APOBEC1: variants seen among roughly 807,000 people sequenced by gnomAD.
APOBEC1 encodes the protein C->U-editing enzyme APOBEC-1.
APOBEC1 carries 22 observed loss-of-function variants against 26.3 expected under a neutral mutation model. The observed-to-expected ratio is 0.84, with a 90% CI of 0.60 to 1.19. The LOEUF (loss-of-function observed/expected upper bound fraction) is 1.19. Among genes scored for constraint, APOBEC1 ranks in the 50% most tolerant of loss-of-function variants. The pLI, the probability that APOBEC1 is intolerant of heterozygous loss-of-function variation, is 0.00. For missense variants in APOBEC1, 253 were observed against 289.0 expected, an observed-to-expected ratio of 0.88 and a Z score of 0.90; for synonymous variants, 77 against 95.3, an observed-to-expected ratio of 0.81 and a Z score of 1.12.
rs1192388929 is a variant in APOBEC1 at position 7,658,743 on chromosome 12, A to G, written c.17-4111T>C. ...TGAGGCAGGTGGATCACCTTAGGTCAGGAGTTTGAGACCAGCCTGACCAAC... is the reference window on the plus strand; with the variant it reads ...TGAGGCAGGTGGATCACCTTAGGTCGGGAGTTTGAGACCAGCCTGACCAAC... On this transcript the variant is annotated intron_variant, in intron 1 of 4. Transcript: ENST00000229304. Among the ~76,000 whole-genome samples the G allele has an allele frequency of 4.6e-5, 7 of 151,924 alleles. No homozygotes were observed. The East Asian group carries it at 1.4e-3, about 30-fold the overall frequency.
Position 7,665,857 on chromosome 12 carries a change from C to G in APOBEC1, c.16G>C (p.Gly6Arg), listed in dbSNP as rs762982250. 1.2e-4 allele frequency: 199 copies of G among 1,611,054 alleles called. No individual in the cohort carries two copies. The highest frequency in any genetic ancestry group is 1.6e-4 in the Non-Finnish European group (185 of 1,178,904). Residue 6 changes from glycine (G) to arginine (R), a missense_variant and splice_region_variant, in exon 1 of 5, where the codon GGT (glycine) becomes CGT (arginine). Coordinates refer to ENST00000229304, the MANE Select transcript of APOBEC1 (RefSeq NM_001644.5). ...TGCCAAGCCCCCGGATCCATTTTAC[C>G]TTTCTCAGAAGTCATGGTGCTCTGT... MTSEKGPSTGDPTLRR... is the reference protein window; with the variant it reads MTSEKRPSTGDPTLRR...
intron 4 of APOBEC1, among the ~76,000 whole-genome samples, chr12:7,650,765 G>A (rs917950459): frequency 4.6e-5 from 7 of 152,120 alleles, no homozygotes; most frequent in Non-Finnish European, 7.3e-5. Flanking sequence ...GTTATACCAC[G>A]CAGGCTGGAG....
At chr12:7,667,813 T>C (rs1007713555), upstream of APOBEC1, among the ~76,000 whole-genome samples, 1 of 150,440 alleles carries the variant, frequency 6.6e-6, no homozygotes, top group African/African-American at 2.5e-5. Context: ...CTCGGAAGGC[T>C]GAGGCATGAG....
At chr12:7,651,999 T>C (rs2136838539) in intron 3 of APOBEC1, among the ~76,000 whole-genome samples, 2 of 151,962 alleles carry the variant, frequency 1.3e-5, no homozygotes, top group Non-Finnish European at 2.9e-5. Flanking sequence ...TTTTTTGTAT[T>C]TTTTAGTAGA....
At chr12:7,663,449 G>T (rs770269546) in intron 1 of APOBEC1, among the ~76,000 whole-genome samples, 1 of 152,262 alleles carries the variant, frequency 6.6e-6, no homozygotes, top group South Asian at 2.1e-4. Flanking sequence ...AGGAATGGGG[G>T]ATTTGAGCAT....
At chr12:7,654,530 C>T in intron 2 of APOBEC1, 75 bp downstream of exon 2, 1 of 1,445,300 alleles carries the variant, frequency 6.9e-7, no homozygotes, top group Admixed American at 1.7e-5. Flanking sequence ...GGCGCATGTG[C>T]CACCATGCAC....
Position 7,656,539 on chromosome 12 carries a change from C to T in APOBEC1, c.17-1907G>A, listed in dbSNP as rs186132605. ...CTTAAAATGGTCCATGAATCTCAGT[C>T]TAGTCTAAAGAAGCAACACAGTGTT... On this transcript the variant is annotated intron_variant, in intron 1 of 4. Transcript: ENST00000229304. 3.7e-3 allele frequency among the ~76,000 whole-genome samples: 562 copies of T among 152,294 alleles called. 3 individuals carry two copies. Among genetic ancestry groups the T allele is most frequent in the South Asian group, 0.012 (60 of 4,830 alleles).
chr12:7,653,891 G>A (rs1342059989), intron 2 of APOBEC1, among the ~76,000 whole-genome samples: 1 of 152,150 alleles, frequency 6.6e-6, no homozygotes, highest in African/African-American at 2.4e-5. Context: ...TCTGAAAGCT[G>A]TAACTCAAGG....
chr12:7,664,524 A>G (rs767421741), intron 1 of APOBEC1, among the ~76,000 whole-genome samples: 20 of 152,318 alleles, frequency 1.3e-4, no homozygotes, highest in African/African-American at 4.6e-4. Flanking sequence ...CAGTTTATTC[A>G]TTATATTCCA....
intron 1 of APOBEC1, among the ~76,000 whole-genome samples, chr12:7,660,519 C>G (rs760557593): frequency 6.6e-6 from 1 of 151,340 alleles, no homozygotes; most frequent in African/African-American, 2.4e-5. Flanking sequence ...ACCAGCCTAA[C>G]ATGGTGAAAC....
chr12:7,666,942 G>A (rs759188607), upstream of APOBEC1, among the ~76,000 whole-genome samples: 30 of 146,368 alleles, frequency 2.0e-4, no homozygotes, highest in Non-Finnish European at 4.0e-4. Flanking sequence ...ACAGAGTTTC[G>A]CTCTTGTCAC....
chr12:7,663,692 TC>T (rs1212714735), intron 1 of APOBEC1, among the ~76,000 whole-genome samples: 1 of 152,094 alleles, frequency 6.6e-6, no homozygotes, highest in African/African-American at 2.4e-5. Context: ...TCTACACTGA[TC>T]AATATTATTC....
intron 1 of APOBEC1, among the ~76,000 whole-genome samples, chr12:7,655,355 A>C (rs1470688739): frequency 6.8e-6 from 1 of 146,202 alleles, no homozygotes; most frequent in Non-Finnish European, 1.5e-5. Context: ...TACTAAAAAT[A>C]CAAAAAAAAA....
chr12:7,660,412 G>GAAAGAAAGAAAGAAAGAA lies in APOBEC1; in HGVS notation c.16+5444_16+5445insTTCTTTCTTTCTTTCTTT, dbSNP rs201225005. Among the ~76,000 whole-genome samples the GAAAGAAAGAAAGAAAGAA allele has an allele frequency of 2.2e-3, 266 of 121,978 alleles. 17 individuals carry two copies. Among genetic ancestry groups the GAAAGAAAGAAAGAAAGAA allele is most frequent in the South Asian group, 5.3e-3 (17 of 3,238 alleles). 80.0% of individuals were successfully genotyped at this position (121,978 alleles called of 152,430 possible). A position where few individuals can be genotyped will look rare whatever the true frequency, so the allele number is the denominator to read the frequency against. ...AGAAAGAAAGAAAGAAAGAAAGAAA[G>GAAAGAAAGAAAGAAAGAA]AGAGGGTATTTGGGCCAGGGACAGT... On this transcript the variant is annotated intron_variant, in intron 1 of 4. Transcript: ENST00000229304.
At position 7,649,496 on chromosome 12, in the gene APOBEC1, TG is replaced by T. The variant is rs1565438608; in HGVS notation, c.*50del. On this transcript the variant is annotated 3_prime_UTR_variant, in exon 5 of 5. Coordinates refer to ENST00000229304, the MANE Select transcript of APOBEC1 (RefSeq NM_001644.5). ...ATTCTAAATGGCATTCACTCTTTAG[TG>T]GGTCATCATTGCTTGTTCTTGAATC... is the stretch of plus-strand genomic sequence containing the variant. 1.3e-6 allele frequency: 2 copies of T among 1,582,124 alleles called. No individual in the cohort carries two copies. Among genetic ancestry groups the T allele is most frequent in the African/African-American group, 2.7e-5 (2 of 74,042 alleles).
intron 1 of APOBEC1, among the ~76,000 whole-genome samples, chr12:7,660,368 G>GAAAGAAAGA (rs60757881): frequency 1.0e-5 from 1 of 97,178 alleles, no homozygotes; most frequent in African/African-American, 4.2e-5. Context: ...AGGAAGGAAG[G>GAAAGAAAGA]AAGGAAGGAA....
intron 1 of APOBEC1, 54 bp downstream of exon 1, chr12:7,665,803 A>G (rs1212842039): frequency 1.5e-6 from 2 of 1,367,030 alleles, no homozygotes; most frequent in African/African-American, 1.6e-5. Context: ...ACACACACAC[A>G]CACCATTCTT....
chr12:7,659,826 AG>A (rs899686280), intron 1 of APOBEC1, among the ~76,000 whole-genome samples: 2 of 151,830 alleles, frequency 1.3e-5, no homozygotes, highest in African/African-American at 4.8e-5. Context: ...AAAACTGGCC[AG>A]GCGTGGTGGC....
At chr12:7,664,330 TA>T (rs2136858075) in intron 1 of APOBEC1, among the ~76,000 whole-genome samples, 1 of 152,320 alleles carries the variant, frequency 6.6e-6, no homozygotes, top group South Asian at 2.1e-4. Context: ...TAAATGTGTC[TA>T]AAGCACTATT....
Sources: allele counts gnomAD v4.1 joint callset (sites outside exome capture counted in the v4.1 genomes callset), GRCh38; gene constraint gnomAD v4.1.1; transcripts MANE v1.5; gene names NCBI Gene and HGNC (gene_info 2026-07-23, HGNC 2026-07-21).